Variants in TENM3 observed in about 807,000 individuals in gnomAD.
TENM3 encodes teneurin-3.
A neutral mutation model predicts 255.1 loss-of-function variants in TENM3; 63 were observed. The observed-to-expected ratio is 0.25, with a 90% CI of 0.20 to 0.30. TENM3 has a LOEUF of 0.30. TENM3 is among the 10% of genes least tolerant of loss of function. The pLI is 1.00. For missense variants in TENM3, 2,929 were observed against 3,461.1 expected, an observed-to-expected ratio of 0.85 and a Z score of 3.86; for synonymous variants, 1,306 against 1,322.3, an observed-to-expected ratio of 0.99 and a Z score of 0.27.
chr4:181,743,156 T>C, the TENM3 span, among the ~76,000 whole-genome samples: 291 of 152,226 alleles, frequency 1.9e-3, 1 homozygote, highest in African/African-American at 6.6e-3. Flanking sequence ...TGTGTCTTTA[T>C]AGCAGCATGA....
At chr4:182,034,870 A>G in the TENM3 span, among the ~76,000 whole-genome samples, 28 of 151,846 alleles carry the variant, frequency 1.8e-4, no homozygotes, top group Admixed American at 1.7e-3. Context: ...CTTGGGGTTG[A>G]TCTTCTCATG....
At chr4:182,557,090 T>G (rs1292632410) in intron 3 of TENM3, among the ~76,000 whole-genome samples, 1 of 152,238 alleles carries the variant, frequency 6.6e-6, no homozygotes, top group Non-Finnish European at 1.5e-5. Context: ...TATTTGTTTT[T>G]TTGTGGAGCT....
At chr4:182,295,806 T>A (rs185817262) in intron 1 of TENM3, among the ~76,000 whole-genome samples, 16 of 152,294 alleles carry the variant, frequency 1.1e-4, no homozygotes, top group African/African-American at 3.8e-4. Context: ...GACATCTGGA[T>A]AACGCATTCA....
chr4:182,142,815 C>G (rs1262218109), upstream of TENM3: 1 of 166,122 alleles, frequency 6.0e-6, no homozygotes, highest in Non-Finnish European at 1.5e-5. Flanking sequence ...TCGGCAGCCC[C>G]AAGCACGCAC....
Position 182,773,465 on chromosome 4 carries a change from T to C in TENM3, c.4893-7T>C, listed in dbSNP as rs771328072. The C allele has an allele frequency of 6.2e-7, 1 of 1,604,520 alleles. No individual in the cohort carries two copies. Among genetic ancestry groups the C allele is most frequent in the Non-Finnish European group, 8.5e-7 (1 of 1,175,124 alleles). ...TTTAACACCAAGTTAATGCCTCTTG[T>C]ATTTAGCTATGACAGTGAAGGTCGT... On this transcript the variant is annotated splice_region_variant and splice_polypyrimidine_tract_variant and intron_variant, in intron 22 of 27. Transcript: ENST00000511685.
At chr4:182,386,768 G>A (rs1767962135) in intron 3 of TENM3, among the ~76,000 whole-genome samples, 1 of 152,222 alleles carries the variant, frequency 6.6e-6, no homozygotes. Flanking sequence ...ATTTCTCGCC[G>A]GGCCTTAGCT....
upstream of TENM3, among the ~76,000 whole-genome samples, chr4:182,238,777 T>A (rs1340944548): frequency 6.6e-6 from 1 of 152,194 alleles, no homozygotes; most frequent in Non-Finnish European, 1.5e-5. Context: ...GATGACTGTA[T>A]TGTGAAAATT....
chr4:181,919,286 A>G, the TENM3 span, among the ~76,000 whole-genome samples: 1 of 152,124 alleles, frequency 6.6e-6, no homozygotes, highest in Non-Finnish European at 1.5e-5. Context: ...TTCCAGCACC[A>G]AAGTGGTGGC....
rs559023462 is a variant in TENM3, at chr4:182,402,655, A to G, written c.511+55726A>G. Among the ~76,000 whole-genome samples the G allele has an allele frequency of 2.6e-5, 4 of 152,244 alleles. No individual in the cohort carries two copies. In the South Asian group the frequency reaches 8.3e-4, roughly 32 times the overall value. ...TGGTTCGGTTTTCATTGGAATTTTT[A>G]TGTGGGTAAAGCTTCCTGTTTGCTG... On this transcript the variant is annotated intron_variant, in intron 3 of 27. Coordinates refer to ENST00000511685, the MANE Select transcript of TENM3 (RefSeq NM_001080477.4).
chr4:182,216,783 G>A (rs927055025), intron 1 of TENM3, among the ~76,000 whole-genome samples: 1 of 152,088 alleles, frequency 6.6e-6, no homozygotes, highest in Admixed American at 6.5e-5. Flanking sequence ...TCATTCACTT[G>A]ATAGCATTTG....
the TENM3 span, among the ~76,000 whole-genome samples, chr4:182,025,415 T>C: frequency 6.6e-6 from 1 of 152,314 alleles, no homozygotes; most frequent in South Asian, 2.1e-4. Context: ...GATGGACACA[T>C]CAACAGCTTT....
At chr4:182,266,239 A>G (rs925576255) in intron 1 of TENM3, among the ~76,000 whole-genome samples, 1 of 152,400 alleles carries the variant, frequency 6.6e-6, no homozygotes, top group Non-Finnish European at 1.5e-5. Context: ...CTGTTAAAGT[A>G]ACAATTTTAC....
intron 1 of TENM3, among the ~76,000 whole-genome samples, chr4:182,297,558 T>C (rs1761575784): frequency 6.6e-6 from 1 of 152,174 alleles, no homozygotes; most frequent in Non-Finnish European, 1.5e-5. Context: ...CGTCCCCTGA[T>C]CCTCAGTGTC....
chr4:181,927,560 C>T, the TENM3 span, among the ~76,000 whole-genome samples: 4 of 152,208 alleles, frequency 2.6e-5, no homozygotes, highest in East Asian at 7.7e-4. Context: ...CTCCCTGGGA[C>T]AGAGCACCTG....
chr4:182,153,499 A>G (rs1750484618), intron 1 of TENM3, among the ~76,000 whole-genome samples: 1 of 152,152 alleles, frequency 6.6e-6, no homozygotes, highest in Non-Finnish European at 1.5e-5. Context: ...GATGTTAGGA[A>G]CTTCGGTCAA....
Position 182,792,313 on chromosome 4 carries a change from T to C in TENM3, c.5641T>C (p.Phe1881Leu). Residue 1881 changes from phenylalanine (F) to leucine (L), a missense_variant, in exon 26 of 28, where the codon TTC (phenylalanine) becomes CTC (leucine). Transcript: ENST00000511685. This position sits in a 1 kb window ranked among gnomAD's most constrained non-coding sequence, Gnocchi z 6.3. ...GCTTCATAGCCAGCGGCAGTACATC[T>C]TCGAATACGATATGTGGGACCGCCT... is the stretch of plus-strand genomic sequence containing the variant. ...LLLHSQRQYI[F>L]EYDMWDRLSA... 1 of 1,614,028 alleles carries C rather than the reference T, an allele frequency of 6.2e-7. No individual in the cohort carries two copies. The highest frequency in any genetic ancestry group is 1.1e-5 in the South Asian group (1 of 91,084).
chr4:181,981,812 A>G, the TENM3 span, among the ~76,000 whole-genome samples: 1 of 152,224 alleles, frequency 6.6e-6, no homozygotes, highest in African/African-American at 2.4e-5. Flanking sequence ...GTTTAGTATT[A>G]TTATAATGAC....
At chr4:181,647,038 C>T in the TENM3 span, among the ~76,000 whole-genome samples, 1 of 152,138 alleles carries the variant, frequency 6.6e-6, no homozygotes, top group Non-Finnish European at 1.5e-5. Context: ...AATGTCTAAG[C>T]AGAGTGTAGA....
At chr4:182,286,254 T>C (rs536949056) in intron 1 of TENM3, among the ~76,000 whole-genome samples, 1 of 152,352 alleles carries the variant, frequency 6.6e-6, no homozygotes, top group South Asian at 2.1e-4. Context: ...ACAGTGGCCA[T>C]GCAGGCAGCT....
Sources: allele counts gnomAD v4.1 joint callset (sites outside exome capture counted in the v4.1 genomes callset), GRCh38; gene constraint gnomAD v4.1.1; non-coding constraint Gnocchi (gnomAD v3.1); transcripts MANE v1.5; gene names NCBI Gene and HGNC (gene_info 2026-07-23, HGNC 2026-07-21).